The following CALN1 variants were observed in gnomAD, a reference collection of about 807,000 sequenced individuals.
CALN1 encodes the protein calneuron 1.
Under a neutral mutation model 30.6 loss-of-function variants are expected in CALN1, and 17 were observed. The observed-to-expected ratio is 0.56, with a 90% CI of 0.38 to 0.83. CALN1 has a LOEUF of 0.83. Ranked by LOEUF, CALN1 falls within the 40% of genes least tolerant of loss-of-function variation. CALN1 has a pLI of 0.00. For synonymous variants in CALN1, 156 were observed against 131.4 expected (o/e 1.19, Z -1.28); for missense variants, 291 against 354.9 (o/e 0.82, Z 1.45).
intron 6 of CALN1, among the ~76,000 whole-genome samples, chr7:71,793,476 T>C (rs1315302703): frequency 6.6e-6 from 1 of 152,210 alleles, no homozygotes; most frequent in East Asian, 1.9e-4. Context: ...GGAATGACTT[T>C]GGAGCCAGAC....
intron 3 of CALN1, among the ~76,000 whole-genome samples, chr7:72,131,951 C>G (rs1809178749): frequency 6.6e-6 from 1 of 152,158 alleles, no homozygotes; most frequent in South Asian, 2.1e-4. Flanking sequence ...TGTTCAAGAT[C>G]TGCATTATCC....
Position 71,908,818 on chromosome 7 carries a change from A to C in CALN1, c.502-98326T>G, listed in dbSNP as rs191672655. ...AAGCCAAGTCAATGTGTCCACCCCC[A>C]GTTCCAATGAGTCAACTTGGTCCAT... On this transcript the variant is annotated intron_variant, in intron 5 of 6. Transcript: ENST00000395275. 3.3e-4 allele frequency among the ~76,000 whole-genome samples: 51 copies of C among 152,300 alleles called. No homozygotes were observed. The East Asian group carries it at 6.2e-3, about 18-fold the overall frequency.
At chr7:71,957,254 G>A (rs1797007611) in intron 5 of CALN1, among the ~76,000 whole-genome samples, 1 of 152,076 alleles carries the variant, frequency 6.6e-6, no homozygotes, top group South Asian at 2.1e-4. Flanking sequence ...GATAGGAGGT[G>A]GGTGGGACTG....
chr7:71,854,903 G>GA (rs1182125719), intron 5 of CALN1, among the ~76,000 whole-genome samples: 1 of 152,200 alleles, frequency 6.6e-6, no homozygotes, highest in African/African-American at 2.4e-5. Flanking sequence ...TTAAGAAGCA[G>GA]AAAATCTCAC....
At chr7:71,995,353 AG>A (rs1390544406) in intron 5 of CALN1, among the ~76,000 whole-genome samples, 1 of 152,234 alleles carries the variant, frequency 6.6e-6, no homozygotes, top group Admixed American at 6.5e-5. Flanking sequence ...TTATGTTTGC[AG>A]CTGGAGTTTT....
chr7:72,436,368 A>G (rs1725578574), intron 1 of CALN1, among the ~76,000 whole-genome samples: 1 of 152,188 alleles, frequency 6.6e-6, no homozygotes, highest in South Asian at 2.1e-4. Context: ...CTTGTCTGCT[A>G]CCATGTAAGA....
rs10243391 is a variant in CALN1, at chr7:72,289,911, C to A, written c.120-11101G>T. The stretch of plus-strand genomic sequence containing the variant: ...TGGGCAACATAGCAAGACCTCATTT[C>A]TACAAAAAATAAAACAATTAGCCGG... On this transcript the variant is annotated intron_variant, in intron 2 of 6. Coordinates refer to ENST00000395275, the MANE Select transcript of CALN1 (RefSeq NM_031468.4). Among the ~76,000 whole-genome samples, 122 of 151,288 alleles carry A rather than the reference C, an allele frequency of 8.1e-4. 1 individual carries two copies. The highest frequency in any genetic ancestry group is 2.9e-3 in the African/African-American group (120 of 41,264).
the CALN1 span, among the ~76,000 whole-genome samples, chr7:72,487,880 GA>G: frequency 1.7e-5 from 1 of 58,576 alleles, no homozygotes; most frequent in Non-Finnish European, 3.1e-5. Context: ...AAGAAAGAAA[GA>G]AAGAAAAGAA....
At chr7:72,297,467 C>G (rs1798943176) in intron 2 of CALN1, among the ~76,000 whole-genome samples, 2 of 152,154 alleles carry the variant, frequency 1.3e-5, no homozygotes, top group Non-Finnish European at 2.9e-5. Flanking sequence ...TATGGGAATT[C>G]TACATGCAAC....
In CALN1 at chr7:72,076,296, A is replaced by T. The variant is rs1181733533; in HGVS notation, c.388+29855T>A. 2.6e-5 allele frequency among the ~76,000 whole-genome samples: 4 copies of T among 151,670 alleles called. No individual in the cohort carries two copies. The East Asian group carries it at 7.8e-4, about 29-fold the overall frequency. ...CATGTACCCCGGAACTTAAAAAATT[A>T]AAAATTAAAAAAAAAAAGCAGGCCA... On this transcript the variant is annotated intron_variant, in intron 4 of 6. Coordinates refer to ENST00000395275, the MANE Select transcript of CALN1 (RefSeq NM_031468.4).
intron 3 of CALN1, among the ~76,000 whole-genome samples, chr7:72,106,690 A>G (rs1191759151): frequency 1.2e-4 from 6 of 51,468 alleles, no homozygotes; most frequent in Non-Finnish European, 1.1e-4. Context: ...GGAAGAAAGC[A>G]AGGGAGGGAG....
chr7:72,481,045 C>A, the CALN1 span, among the ~76,000 whole-genome samples: 1 of 152,010 alleles, frequency 6.6e-6, no homozygotes, highest in Admixed American at 6.6e-5. Context: ...CTCCGCTTCC[C>A]GGGTTCAAGC....
chr7:72,387,932 G>C (rs1178771824), intron 2 of CALN1, among the ~76,000 whole-genome samples: 1 of 152,176 alleles, frequency 6.6e-6, no homozygotes, highest in Non-Finnish European at 1.5e-5. Flanking sequence ...TAGTCACAGT[G>C]AGATGAGAGG....
At chr7:72,316,631 T>C (rs1156554107) in intron 2 of CALN1, among the ~76,000 whole-genome samples, 4 of 152,106 alleles carry the variant, frequency 2.6e-5, no homozygotes, top group African/African-American at 9.7e-5. Context: ...ACCTTTTACT[T>C]ATGCACTTAA....
intron 2 of CALN1, among the ~76,000 whole-genome samples, chr7:72,329,348 G>C (rs142857803): frequency 6.8e-4 from 103 of 152,320 alleles, no homozygotes; most frequent in African/African-American, 2.1e-3. Flanking sequence ...TGGACAGCTG[G>C]AGACAGGATG....
chr7:72,308,372 G>GGGGGGA (rs373934467), intron 2 of CALN1, among the ~76,000 whole-genome samples: 6 of 92,660 alleles, frequency 6.5e-5, no homozygotes, highest in Non-Finnish European at 1.2e-4. Flanking sequence ...TGTGGGGGGG[G>GGGGGGA]GAGAGAGAGA....
intron 2 of CALN1, among the ~76,000 whole-genome samples, chr7:72,305,023 C>T (rs1260509394): frequency 1.3e-5 from 2 of 152,340 alleles, no homozygotes; most frequent in East Asian, 3.9e-4. Flanking sequence ...ATGGCCACGG[C>T]TACAGTGACC....
chr7:72,375,926 C>T (rs1479169283), intron 2 of CALN1, among the ~76,000 whole-genome samples: 1 of 152,154 alleles, frequency 6.6e-6, no homozygotes, highest in Non-Finnish European at 1.5e-5. Context: ...TCCCCTTCTC[C>T]CCATCCCAAA....
At chr7:71,988,357 C>T (rs1798783441) in intron 5 of CALN1, among the ~76,000 whole-genome samples, 2 of 152,156 alleles carry the variant, frequency 1.3e-5, no homozygotes, top group Admixed American at 6.5e-5. Flanking sequence ...AACCACAACA[C>T]CATATCGTAT....
Sources: allele counts gnomAD v4.1 joint callset (sites outside exome capture counted in the v4.1 genomes callset), GRCh38; gene constraint gnomAD v4.1.1; transcripts MANE v1.5; gene names NCBI Gene and HGNC (gene_info 2026-07-23, HGNC 2026-07-21).